The following TMEM132C variants were observed in gnomAD, a reference collection of about 807,000 sequenced individuals.
TMEM132C encodes protein phosphatase 1, regulatory subunit 152.
Under a neutral mutation model 61.4 loss-of-function variants are expected in TMEM132C, and 29 were observed. That is an observed-to-expected ratio of 0.47 (90% CI 0.35 to 0.64). TMEM132C has a LOEUF of 0.64. TMEM132C is among the 30% of genes least tolerant of loss of function. TMEM132C has a pLI of 0.00. For missense variants in TMEM132C, 1,408 were observed against 1,476.9 expected (o/e 0.95, Z 0.76); for synonymous variants, 656 against 633.1 (o/e 1.04, Z -0.54).
At chr12:128,515,706 G>A (rs978436485) in intron 2 of TMEM132C, among the ~76,000 whole-genome samples, 1 of 152,122 alleles carries the variant, frequency 6.6e-6, no homozygotes. Context: ...ATGGTGGCGG[G>A]TGCCTGTAGT....
chr12:128,355,257 C>T (rs1477502513), intron 1 of TMEM132C, among the ~76,000 whole-genome samples: 1 of 152,142 alleles, frequency 6.6e-6, no homozygotes, highest in East Asian at 1.9e-4. Context: ...GGGTCCCAGA[C>T]CATGGAGGGA....
intron 1 of TMEM132C, among the ~76,000 whole-genome samples, chr12:128,409,733 G>A (rs1015999115): frequency 2.6e-5 from 4 of 152,088 alleles, no homozygotes; most frequent in East Asian, 1.9e-4. Flanking sequence ...AATCAGTATC[G>A]CCACTCGGTG....
intron 1 of TMEM132C, among the ~76,000 whole-genome samples, chr12:128,348,079 G>A (rs1392526731): frequency 6.6e-6 from 1 of 152,202 alleles, no homozygotes; most frequent in Non-Finnish European, 1.5e-5. Context: ...AACATGGGAT[G>A]TCTTTCTCAT....
At chr12:128,292,213 A>G (rs1023982249) in intron 1 of TMEM132C, among the ~76,000 whole-genome samples, 2 of 152,140 alleles carry the variant, frequency 1.3e-5, no homozygotes, top group African/African-American at 2.4e-5. Context: ...TCTTATGCAC[A>G]TTCAAGTTTG....
chr12:128,277,885 G>T (rs1870747454), intron 1 of TMEM132C, among the ~76,000 whole-genome samples: 1 of 152,026 alleles, frequency 6.6e-6, no homozygotes, highest in Non-Finnish European at 1.5e-5. Context: ...ACCTCTGGGT[G>T]GCTTTTCCTC....
intron 1 of TMEM132C, among the ~76,000 whole-genome samples, chr12:128,301,183 G>A (rs1019013627): frequency 3.3e-5 from 5 of 152,132 alleles, no homozygotes; most frequent in South Asian, 2.1e-4. Context: ...GATGGAAGGC[G>A]AGGAAAGCAT....
At chr12:128,680,414 G>T (rs908213193) in intron 5 of TMEM132C, among the ~76,000 whole-genome samples, 2 of 152,222 alleles carry the variant, frequency 1.3e-5, no homozygotes, top group African/African-American at 2.4e-5. Context: ...GGAATATGCT[G>T]TCATCATAGA....
chr12:128,368,114 G>A (rs79076973), intron 1 of TMEM132C, among the ~76,000 whole-genome samples: 5,212 of 152,292 alleles, frequency 0.034, 130 homozygotes, highest in Non-Finnish European at 0.049. Flanking sequence ...CATCTTCCAG[G>A]AAGATCTAGC....
intron 3 of TMEM132C, among the ~76,000 whole-genome samples, chr12:128,558,915 T>C (rs1216512587): frequency 6.6e-6 from 1 of 152,268 alleles, no homozygotes; most frequent in Non-Finnish European, 1.5e-5. Context: ...TTGTTATTTT[T>C]ATAATCTTGA....
At chr12:128,482,293 A>G (rs1400115276) in intron 2 of TMEM132C, among the ~76,000 whole-genome samples, 6 of 152,198 alleles carry the variant, frequency 3.9e-5, no homozygotes, top group African/African-American at 1.4e-4. Flanking sequence ...CTGAGTGAGG[A>G]CGAAAGCACT....
At chr12:128,634,934 T>C (rs1954090570) in intron 4 of TMEM132C, among the ~76,000 whole-genome samples, 1 of 152,188 alleles carries the variant, frequency 6.6e-6, no homozygotes, top group South Asian at 2.1e-4. Context: ...TATTAGGAAA[T>C]GAGTATATGA....
intron 3 of TMEM132C, among the ~76,000 whole-genome samples, chr12:128,583,285 A>G (rs1875412263): frequency 7.8e-6 from 1 of 127,882 alleles, no homozygotes; most frequent in African/African-American, 2.6e-5. Context: ...TACACTATAC[A>G]ACATATACAT....
chr12:128,379,141 G>C (rs1297549958), intron 1 of TMEM132C, among the ~76,000 whole-genome samples: 3 of 152,194 alleles, frequency 2.0e-5, no homozygotes, highest in Admixed American at 2.0e-4. Context: ...TGATGGATTG[G>C]TTGTTCATCG....
At chr12:128,452,432 A>T (rs1028420950) in intron 2 of TMEM132C, among the ~76,000 whole-genome samples, 4 of 145,850 alleles carry the variant, frequency 2.7e-5, no homozygotes, top group Admixed American at 2.7e-4. Flanking sequence ...TACTTAAGGC[A>T]ATGTGGGCTG....
intron 1 of TMEM132C, among the ~76,000 whole-genome samples, chr12:128,295,741 TC>T (rs1871391760): frequency 6.6e-6 from 1 of 151,310 alleles, no homozygotes; most frequent in East Asian, 1.9e-4. Context: ...CAGAGACCAG[TC>T]CAGTCATAGA....
chr12:128,471,139 T>C (rs1870936842), intron 2 of TMEM132C, among the ~76,000 whole-genome samples: 1 of 152,228 alleles, frequency 6.6e-6, no homozygotes, highest in Non-Finnish European at 1.5e-5. Flanking sequence ...ATCCCCGCTT[T>C]GATCTGTGAC....
intron 2 of TMEM132C, among the ~76,000 whole-genome samples, chr12:128,509,523 A>G (rs1413289409): frequency 1.3e-5 from 2 of 149,964 alleles, no homozygotes; most frequent in Non-Finnish European, 2.9e-5. Context: ...GAGTAACAAG[A>G]AGGAGGCAGT....
At chr12:128,475,240 C>T (rs915342706) in intron 2 of TMEM132C, among the ~76,000 whole-genome samples, 1 of 151,962 alleles carries the variant, frequency 6.6e-6, no homozygotes, top group Non-Finnish European at 1.5e-5. Flanking sequence ...TTAGGACCTG[C>T]GATTTCTTTT....
chr12:128,581,527 A>G (rs1470666954), intron 3 of TMEM132C, among the ~76,000 whole-genome samples: 3 of 152,198 alleles, frequency 2.0e-5, no homozygotes, highest in Non-Finnish European at 2.9e-5. Flanking sequence ...CACAGCAGTT[A>G]CCACAAATCC....
Sources: allele counts gnomAD v4.1 joint callset (sites outside exome capture counted in the v4.1 genomes callset), GRCh38; gene constraint gnomAD v4.1.1; transcripts MANE v1.5; gene names NCBI Gene and HGNC (gene_info 2026-07-23, HGNC 2026-07-21).